Variants in CMIP observed in about 807,000 individuals in gnomAD.
CMIP encodes the protein C-Maf-inducing protein.
Under a neutral mutation model 97.3 loss-of-function variants are expected in CMIP, and 13 were observed. The observed-to-expected ratio is 0.13, with a 90% CI of 0.09 to 0.21. The LOEUF is 0.21. Ranked by LOEUF, CMIP falls within the 10% of genes least tolerant of loss-of-function variation. The pLI, the probability that CMIP is intolerant of heterozygous loss-of-function variation, is 1.00. For synonymous variants in CMIP, 538 were observed against 436.3 expected (o/e 1.23, Z -2.91); for missense variants, 847 against 1,024.9 (o/e 0.83, Z 2.37).
At chr16:81,514,086 T>A (rs1567552806) in intron 1 of CMIP, among the ~76,000 whole-genome samples, 1 of 152,258 alleles carries the variant, frequency 6.6e-6, no homozygotes, top group Non-Finnish European at 1.5e-5. Context: ...GTCCAGTGAA[T>A]CTTCATCCCT....
In CMIP at chr16:81,655,429, C is replaced by T. The variant is rs1442113259; in HGVS notation, c.640-2346C>T. Among the ~76,000 whole-genome samples the T allele has an allele frequency of 6.6e-6, 1 of 152,180 alleles. No homozygotes were observed. Among genetic ancestry groups the T allele is most frequent in the Non-Finnish European group, 1.5e-5 (1 of 68,028 alleles). ...GCAAAGCAAAGCTGGCTGTCCCCAC[C>T]CTCCCAGGCCTTTGTTGAGTTGCGT... On this transcript the variant is annotated intron_variant, in intron 4 of 20. Transcript: ENST00000537098. The surrounding 1 kb of genome is among the most constrained non-coding windows in gnomAD (Gnocchi z 4.9).
chr16:81,551,092 C>CCCCAGTTCCATCACATATAT (rs1383827481), intron 1 of CMIP, among the ~76,000 whole-genome samples: 4 of 149,676 alleles, frequency 2.7e-5, no homozygotes, highest in Non-Finnish European at 5.9e-5. Context: ...GTCACACGCA[C>CCCCAGTTCCATCACATATAT]CCCAGTTCCA....
intron 1 of CMIP, among the ~76,000 whole-genome samples, chr16:81,555,096 G>A (rs570006434): frequency 2.0e-5 from 3 of 152,274 alleles, no homozygotes; most frequent in South Asian, 2.1e-4. Context: ...TCCCACACAC[G>A]CAAGGCCTCA....
At chr16:81,496,813 G>T (rs556207374) in intron 1 of CMIP, among the ~76,000 whole-genome samples, 1 of 152,258 alleles carries the variant, frequency 6.6e-6, no homozygotes, top group Non-Finnish European at 1.5e-5. Flanking sequence ...AATGAGCAGA[G>T]TCTTACATTC....
chr16:81,700,985 G>T (rs1907334264), intron 15 of CMIP, among the ~76,000 whole-genome samples: 1 of 152,116 alleles, frequency 6.6e-6, no homozygotes, highest in African/African-American at 2.4e-5. Flanking sequence ...CTGCTCCTTG[G>T]TGAGTGAGAA....
At chr16:81,705,399 C>T in intron 18 of CMIP, 100 bp from the exon 19 acceptor site, 1 of 846,856 alleles carries the variant, frequency 1.2e-6, no homozygotes, top group Non-Finnish European at 1.9e-6. Context: ...GCCTCAGAGC[C>T]AGGCTCTGTC....
chr16:81,453,619 A>T lies in CMIP; in HGVS notation c.300+8078A>T, dbSNP rs748628180. On this transcript the variant is annotated intron_variant, in intron 1 of 20. Transcript: ENST00000537098. This position sits in a 1 kb window ranked among gnomAD's most constrained non-coding sequence, Gnocchi z 4.0. ...ACACCGGTGCGAGGCTCTGCAGGGA[A>T]GGAGAGCCACGGGTATGGAAGGGGC... 6.6e-6 allele frequency among the ~76,000 whole-genome samples: 1 copy of T among 152,224 alleles called. No individual in the cohort carries two copies. The highest frequency in any genetic ancestry group is 2.4e-5 in the African/African-American group (1 of 41,462).
chr16:81,653,168 G>A (rs1000880607), intron 4 of CMIP, among the ~76,000 whole-genome samples: 6 of 152,168 alleles, frequency 3.9e-5, no homozygotes, highest in African/African-American at 1.4e-4. Context: ...TGGGAACACT[G>A]GAGTTGATGA....
chr16:81,498,623 A>C (rs1284298279), intron 1 of CMIP, among the ~76,000 whole-genome samples: 1 of 152,152 alleles, frequency 6.6e-6, no homozygotes, highest in Non-Finnish European at 1.5e-5. Context: ...GCCCCAGAAC[A>C]TGGCTGCACA....
intron 7 of CMIP, chr16:81,664,649 C>A: frequency 1.8e-6 from 1 of 566,602 alleles, no homozygotes; most frequent in Non-Finnish European, 3.1e-6. Context: ...AGATGCCCTG[C>A]CCTCAAGGAC....
chr16:81,682,688 C>G (rs545388007), intron 10 of CMIP, among the ~76,000 whole-genome samples: 1 of 152,184 alleles, frequency 6.6e-6, no homozygotes, highest in Non-Finnish European at 1.5e-5. Context: ...CAGTGCAGGT[C>G]GCAGGGTGCA....
rs544508845 is a variant in CMIP at position 81,565,987 on chromosome 16, G to A, written c.301-41580G>A. Among the ~76,000 whole-genome samples the A allele has an allele frequency of 5.3e-5, 8 of 152,266 alleles. No individual in the cohort carries two copies. In the East Asian group the frequency reaches 5.8e-4, roughly 11 times the overall value. The stretch of plus-strand genomic sequence containing the variant: ...TTTCCCGAACACTCATAGCCAGCCC[G>A]GAGACTCCAGGCGAGAAACTCGGGA... On this transcript the variant is annotated intron_variant, in intron 1 of 20. Coordinates refer to ENST00000537098, the MANE Select transcript of CMIP (RefSeq NM_198390.3).
chr16:81,561,185 C>T (rs1204062278), intron 1 of CMIP, among the ~76,000 whole-genome samples: 1 of 152,206 alleles, frequency 6.6e-6, no homozygotes, highest in Non-Finnish European at 1.5e-5. Context: ...GAACTCCTGA[C>T]CTCAAGTGAT....
Position 81,453,487 on chromosome 16 carries a change from G to C in CMIP, c.300+7946G>C, listed in dbSNP as rs1906359986. Among the ~76,000 whole-genome samples the C allele has an allele frequency of 6.6e-6, 1 of 152,182 alleles. No individual in the cohort carries two copies. Among genetic ancestry groups the C allele is most frequent in the African/African-American group, 2.4e-5 (1 of 41,444 alleles). ...CAGTGCCAGTTTCCTTAGAGGTCCA[G>C]GATATCTGAAAATTGGAGCACACAG... On this transcript the variant is annotated intron_variant, in intron 1 of 20. Transcript: ENST00000537098. This position sits in a 1 kb window ranked among gnomAD's most constrained non-coding sequence, Gnocchi z 4.0.
intron 1 of CMIP, among the ~76,000 whole-genome samples, chr16:81,467,883 CTT>C (rs754844403): frequency 7.9e-5 from 9 of 113,450 alleles, no homozygotes; most frequent in Non-Finnish European, 7.4e-5. Flanking sequence ...GCCTGGCCTT[CTT>C]TTTTTTTTTT....
At chr16:81,578,984 A>G (rs1327948083) in intron 1 of CMIP, among the ~76,000 whole-genome samples, 1 of 152,246 alleles carries the variant, frequency 6.6e-6, no homozygotes, top group East Asian at 1.9e-4. Context: ...CAGGAGACAC[A>G]GTTCCAGATC....
At chr16:81,503,554 A>G (rs1050615319) in intron 1 of CMIP, among the ~76,000 whole-genome samples, 1 of 152,032 alleles carries the variant, frequency 6.6e-6, no homozygotes, top group Non-Finnish European at 1.5e-5. Context: ...ATGCCACTGC[A>G]CCTGGCTAAT....
chr16:81,535,443 G>T (rs2090323638), intron 1 of CMIP, among the ~76,000 whole-genome samples: 1 of 148,458 alleles, frequency 6.7e-6, no homozygotes, highest in Non-Finnish European at 1.5e-5. Flanking sequence ...TGTCACTTCT[G>T]CTCATGGTAT....
At chr16:81,608,677 A>G (rs2091783034) in intron 2 of CMIP, among the ~76,000 whole-genome samples, 1 of 152,040 alleles carries the variant, frequency 6.6e-6, no homozygotes, top group Non-Finnish European at 1.5e-5. Flanking sequence ...TCCACCAAGA[A>G]TGGAGAAGTG....
Sources: allele counts gnomAD v4.1 joint callset (sites outside exome capture counted in the v4.1 genomes callset), GRCh38; gene constraint gnomAD v4.1.1; non-coding constraint Gnocchi (gnomAD v3.1); transcripts MANE v1.5; gene names NCBI Gene and HGNC (gene_info 2026-07-23, HGNC 2026-07-21).